FLG: variants seen among roughly 807,000 people sequenced by gnomAD.
FLG encodes epidermal filaggrin.
In FLG, 6 loss-of-function variants were observed where a neutral mutation model predicts 3.8. The ratio of observed to expected loss-of-function variants is 1.60; its 90% CI spans 0.87 to 3.15. The LOEUF is 3.15. Ranked by LOEUF, FLG falls within the 30% of genes most tolerant of loss-of-function variation. FLG has a pLI of 0.00. For synonymous variants in FLG, 2,551 were observed against 1,931.6 expected (o/e 1.32, Z -8.41); for missense variants, 7,595 against 5,050.9 (o/e 1.50, Z -15.27).
chr1:152,308,624 C>G lies in FLG; in HGVS notation c.6262G>C (p.Gly2088Arg). ...GQSGESSGRSGSFLYQVSTHE... is the reference protein window; with the variant it reads ...GQSGESSGRSRSFLYQVSTHE... ...GTGCTCACCTGGTAGAGGAAAGACCCTGAACGTCCAGAGCTTTCCCCTGAC... is the reference window on the plus strand; with the variant it reads ...GTGCTCACCTGGTAGAGGAAAGACCGTGAACGTCCAGAGCTTTCCCCTGAC... Residue 2088 changes from glycine to arginine, a missense_variant, in exon 3 of 3, where the codon GGG becomes CGG. Gly to Arg is a moderately radical substitution (Grantham distance 125). Coordinates refer to ENST00000368799, the MANE Select transcript of FLG (RefSeq NM_002016.2). 6.2e-7 allele frequency: 1 copy of G among 1,614,062 alleles called. No homozygotes were observed. The highest frequency in any genetic ancestry group is 8.5e-7 in the Non-Finnish European group (1 of 1,179,976).
At position 152,310,028 on chromosome 1, in the gene FLG, C is replaced by A. The variant is rs1389208990; in HGVS notation, c.4858G>T (p.Gly1620Ter). The change falls in exon 3 of 3, where the codon GGA (glycine) becomes TGA (stop). Residue 1620 changes from glycine (G) to a stop codon, truncating the protein, a stop_gained. Coordinates refer to ENST00000368799, the MANE Select transcript of FLG (RefSeq NM_002016.2). LOFTEE classifies it low-confidence loss of function (END_TRUNC). Reference protein sequence around the residue: ...RSESASRNHYGSAREQSRHGS... With the variant: ...RSESASRNHY Reference sequence around the variant, plus strand: ...TGTCTTGACTGCTCCCGAGCAGATCCATAATGGTTTCTGGAAGCCGACTCA... The same window carrying A: ...TGTCTTGACTGCTCCCGAGCAGATCAATAATGGTTTCTGGAAGCCGACTCA... 1 of 1,613,788 alleles carries A rather than the reference C, an allele frequency of 6.2e-7. No homozygotes were observed.
chr1:152,304,225 C>G lies in FLG; in HGVS notation c.10661G>C (p.Arg3554Thr). Residue 3554 changes from arginine (R) to threonine (T), a missense_variant, in exon 3 of 3, where the codon AGG (arginine) becomes ACG (threonine). Physicochemically the swap from Arg to Thr is moderately conservative, Grantham distance 71 (BLOSUM62 -1). Coordinates refer to ENST00000368799, the MANE Select transcript of FLG (RefSeq NM_002016.2). Reference sequence around the variant, plus strand: ...GTTTCTGGAAGCAGACCCAGACCACCTCTCAGAGTCTTCTGAGTGTCCCTG... The same window carrying G: ...GTTTCTGGAAGCAGACCCAGACCACGTCTCAGAGTCTTCTGAGTGTCCCTG... ...DSQGHSEDSE[R>T]WSGSASRNHR... The G allele has an allele frequency of 1.2e-6, 2 of 1,612,990 alleles. No individual in the cohort carries two copies. Among genetic ancestry groups the G allele is most frequent in the Non-Finnish European group, 8.5e-7 (1 of 1,179,760 alleles).
chr1:152,314,261 C>T lies in FLG; in HGVS notation c.625G>A (p.Asp209Asn). 2 of 1,613,318 alleles carry T rather than the reference C, an allele frequency of 1.2e-6. No individual in the cohort carries two copies. Among genetic ancestry groups the T allele is most frequent in the South Asian group, 1.1e-5 (1 of 91,066 alleles). The change falls in exon 3 of 3, where the codon GAC becomes AAC. Residue 209 changes from aspartate (D) to asparagine (N), a missense_variant. By Grantham distance (23) the Asp-to-Asn change is conservative. Transcript: ENST00000368799. ...RLSERLEEKEDNEEGVYDYEN... is the reference protein window; with the variant it reads ...RLSERLEEKENNEEGVYDYEN... ...TAATCATATACTCCTTCTTCATTGT[C>T]TTCTTTCTCTTCAAGTCTTTCACTT... is the stretch of plus-strand genomic sequence containing the variant.
Position 152,314,117 on chromosome 1 carries a change from A to G in FLG, c.769T>C (p.Tyr257His), listed in dbSNP as rs142607263. The G allele has an allele frequency of 1.9e-6, 3 of 1,613,954 alleles. No homozygotes were observed. Among genetic ancestry groups the G allele is most frequent in the South Asian group, 1.1e-5 (1 of 91,070 alleles). ...CCATCAGATGACCTTGATCTTTCAT[A>G]TATTTTGTTTTCTTCTAATAGACTA... Reference protein sequence around the residue: ...TDSLLEENKIYERSRSSDGKS... With the variant: ...TDSLLEENKIHERSRSSDGKS... Residue 257 changes from tyrosine to histidine, a missense_variant, in exon 3 of 3, where the codon TAT becomes CAT. Coordinates refer to ENST00000368799, the MANE Select transcript of FLG (RefSeq NM_002016.2).
chr1:152,309,185 C>T lies in FLG; in HGVS notation c.5701G>A (p.Gly1901Ser), dbSNP rs1220036038. 4 of 1,613,150 alleles carry T rather than the reference C, an allele frequency of 2.5e-6. No individual in the cohort carries two copies. In the African/African-American group the frequency reaches 4.0e-5, roughly 16 times the overall value. The change falls in exon 3 of 3, where the codon GGC (glycine) becomes AGC (serine). Residue 1901 changes from glycine (G) to serine (S), a missense_variant. By Grantham distance (56) the Gly-to-Ser change is moderately conservative. Coordinates refer to ENST00000368799, the MANE Select transcript of FLG (RefSeq NM_002016.2). ...CTGGGCCCTGATGATTGTCCCTGGC[C>T]CACCTGCGAGTGTCTAGAGCTGTCG... Reference protein sequence around the residue: ...RADSSRHSQVGQGQSSGPRTS... With the variant: ...RADSSRHSQVSQGQSSGPRTS...
In FLG at chr1:152,311,058, A is replaced by G. The variant is rs1652377973; in HGVS notation, c.3828T>C (p.Ser1276=). 6.2e-7 allele frequency: 1 copy of G among 1,613,210 alleles called. No individual in the cohort carries two copies. Among genetic ancestry groups the G allele is most frequent in the Non-Finnish European group, 8.5e-7 (1 of 1,179,772 alleles). The change falls in exon 3 of 3, where the codon AGT becomes AGC. Residue 1276 remains serine (S), a synonymous_variant. Coordinates refer to ENST00000368799, the MANE Select transcript of FLG (RefSeq NM_002016.2). ...QGSSVSQDSD[S]ERHSDDSERL... is the part of the protein sequence containing the mutation. ...TCTCGGAGTCGTCTGAGTGTCTCTC[A>G]CTGTCACTGTCCTGGCTAACACTGG...
chr1:152,309,682 G>A lies in FLG; in HGVS notation c.5204C>T (p.Ser1735Leu), dbSNP rs985155377. The change falls in exon 3 of 3, where the codon TCA (serine) becomes TTA (leucine). Residue 1735 changes from serine (S) to leucine (L), a missense_variant. Ser to Leu is a moderately radical substitution (Grantham distance 145). Coordinates refer to ENST00000368799, the MANE Select transcript of FLG (RefSeq NM_002016.2). ...ATGGGGCCCAGCCTGTCCGTGGGCT[G>A]ACACTGACTGTGTGTCTGACTCTTC... is the stretch of plus-strand genomic sequence containing the variant. Reference protein sequence around the residue: ...HSEESDTQSVSAHGQAGPHQQ... With the variant: ...HSEESDTQSVLAHGQAGPHQQ... 1.9e-6 allele frequency: 3 copies of A among 1,613,928 alleles called. No individual in the cohort carries two copies. The Admixed American group carries it at 5.0e-5, about 27-fold the overall frequency.
At chr1:152,315,040 T>C in intron 2 of FLG, 1 of 413,478 alleles carries the variant, frequency 2.4e-6, no homozygotes. Flanking sequence ...ATCCCCTTAG[T>C]AATGTTGATG....
Position 152,310,414 on chromosome 1 carries a change from C to T in FLG, c.4472G>A (p.Gly1491Glu), listed in dbSNP as rs909581264. The change falls in exon 3 of 3, where the codon GGA (glycine) becomes GAA (glutamate). Residue 1491 changes from glycine (G) to glutamate (E), a missense_variant. By Grantham distance (98) the Gly-to-Glu change is moderately conservative (BLOSUM62 -2). Coordinates refer to ENST00000368799, the MANE Select transcript of FLG (RefSeq NM_002016.2). ...ASQDGQDTIRGHPGSSRGGRQ... is the reference protein window; with the variant it reads ...ASQDGQDTIREHPGSSRGGRQ... ...TCCTCCTCTGCTTGACCCCGGGTGT[C>T]CACGAATGGTGTCCTGACCGTCTTG... 12 of 1,613,268 alleles carry T rather than the reference C, an allele frequency of 7.4e-6. No homozygotes were observed. Among genetic ancestry groups the T allele is most frequent in the African/African-American group, 2.7e-5 (2 of 74,676 alleles).
rs765615144 is a variant in FLG, at chr1:152,311,684, C to T, written c.3202G>A (p.Gly1068Ser). The T allele has an allele frequency of 6.2e-7, 1 of 1,614,114 alleles. No homozygotes were observed. The highest frequency in any genetic ancestry group is 8.5e-7 in the Non-Finnish European group (1 of 1,180,032). Residue 1068 changes from glycine (G) to serine (S), a missense_variant, in exon 3 of 3, where the codon GGT becomes AGT. Gly to Ser is a moderately conservative substitution (Grantham distance 56, BLOSUM62 0). Transcript: ENST00000368799. ...CCCTCACTATCACTGGCCTGACTAC[C>T]ACTGGACCCCCAGTGTCCACTGTCT... ...VRDSGHWGSS[G>S]SQASDSEGHS...
chr1:152,305,015 G>A lies in FLG; in HGVS notation c.9871C>T (p.His3291Tyr). The change falls in exon 3 of 3, where the codon CAT (histidine) becomes TAT (tyrosine). Residue 3291 changes from histidine (H) to tyrosine (Y), a missense_variant. By Grantham distance (83) the His-to-Tyr change is moderately conservative. Transcript: ENST00000368799. ...CCTGGACTTGATCTTGCCTGTTCAT[G>A]GGATGATGCAGCCTGTCCACCAGAG... Reference protein sequence around the residue: ...TSSGGQAASSHEQARSSPGER... With the variant: ...TSSGGQAASSYEQARSSPGER... The A allele has an allele frequency of 1.9e-6, 3 of 1,613,942 alleles. No homozygotes were observed. The highest frequency in any genetic ancestry group is 2.5e-6 in the Non-Finnish European group (3 of 1,179,986).
Position 152,310,021 on chromosome 1 carries a change from G to A in FLG, c.4865C>T (p.Ala1622Val). The A allele has an allele frequency of 6.2e-7, 1 of 1,613,756 alleles. No homozygotes were observed. The highest frequency in any genetic ancestry group is 8.5e-7 in the Non-Finnish European group (1 of 1,179,978). ...ESASRNHYGS[A>V]REQSRHGSRN... is the part of the protein sequence containing the mutation. Reference sequence around the variant, plus strand: ...GGAGCCATGTCTTGACTGCTCCCGAGCAGATCCATAATGGTTTCTGGAAGC... The same window carrying A: ...GGAGCCATGTCTTGACTGCTCCCGAACAGATCCATAATGGTTTCTGGAAGC... Residue 1622 changes from alanine (A) to valine (V), a missense_variant, in exon 3 of 3, where the codon GCT (alanine) becomes GTT (valine). Coordinates refer to ENST00000368799, the MANE Select transcript of FLG (RefSeq NM_002016.2).
chr1:152,311,444 G>T lies in FLG; in HGVS notation c.3442C>A (p.Gln1148Lys), dbSNP rs375070340. The change falls in exon 3 of 3, where the codon CAG (glutamine) becomes AAG (lysine). Residue 1148 changes from glutamine to lysine, a missense_variant. Gln to Lys is a moderately conservative substitution (Grantham distance 53). Transcript: ENST00000368799. ...GAGTGCCTGGAGCTGTCTCGTGCCT[G>T]CTCGTGGTGGGATCCTTGTCTTCGT... ...TGRRQGSHHE[Q>K]ARDSSRHSAS... The T allele has an allele frequency of 1.5e-5, 25 of 1,614,004 alleles. No individual in the cohort carries two copies. The African/African-American group carries it at 3.1e-4, about 20-fold the overall frequency.
At position 152,313,139 on chromosome 1, in the gene FLG, G is replaced by A. The variant is rs766496778; in HGVS notation, c.1747C>T (p.His583Tyr). The A allele has an allele frequency of 1.9e-6, 3 of 1,613,868 alleles. No individual in the cohort carries two copies. The East Asian group carries it at 6.7e-5, about 36-fold the overall frequency. Reference sequence around the variant, plus strand: ...GCTTCATGATGACGTGACCCTGAGTGCCTGGTGCCGTCTCCTGATTGTTCC... The same window carrying A: ...GCTTCATGATGACGTGACCCTGAGTACCTGGTGCCGTCTCCTGATTGTTCC... Reference protein sequence around the residue: ...NEEQSGDGTRHSGSRHHEASS... With the variant: ...NEEQSGDGTRYSGSRHHEASS... The change falls in exon 3 of 3, where the codon CAC becomes TAC. Residue 583 changes from histidine to tyrosine, a missense_variant. Coordinates refer to ENST00000368799, the MANE Select transcript of FLG (RefSeq NM_002016.2).
Position 152,311,450 on chromosome 1 carries a change from G to A in FLG, c.3436C>T (p.His1146Tyr). ...TSTGRRQGSH[H>Y]EQARDSSRHS... is the part of the protein sequence containing the mutation. Reference sequence around the variant, plus strand: ...CTGGAGCTGTCTCGTGCCTGCTCGTGGTGGGATCCTTGTCTTCGTCCAGTG... The same window carrying A: ...CTGGAGCTGTCTCGTGCCTGCTCGTAGTGGGATCCTTGTCTTCGTCCAGTG... Residue 1146 changes from histidine (H) to tyrosine (Y), a missense_variant, in exon 3 of 3, where the codon CAC becomes TAC. Physicochemically the swap from His to Tyr is moderately conservative, Grantham distance 83. Coordinates refer to ENST00000368799, the MANE Select transcript of FLG (RefSeq NM_002016.2). 6.2e-7 allele frequency: 1 copy of A among 1,613,912 alleles called. No homozygotes were observed. Among genetic ancestry groups the A allele is most frequent in the Non-Finnish European group, 8.5e-7 (1 of 1,179,950 alleles).
chr1:152,312,491 T>A lies in FLG; in HGVS notation c.2395A>T (p.Thr799Ser). 6.2e-7 allele frequency: 1 copy of A among 1,613,498 alleles called. No homozygotes were observed. Among genetic ancestry groups the A allele is most frequent in the African/African-American group, 1.3e-5 (1 of 74,772 alleles). ...TGGGAGGACTCAGACTGTTTATGAG[T>A]GCTCACCTGGTAGAGGAAAGACCCT... is the stretch of plus-strand genomic sequence containing the variant. ...RSGSFLYQVSTHKQSESSHGW... is the reference protein window; with the variant it reads ...RSGSFLYQVSSHKQSESSHGW... Residue 799 changes from threonine to serine, a missense_variant, in exon 3 of 3, where the codon ACT becomes TCT. By Grantham distance (58) the Thr-to-Ser change is moderately conservative. Coordinates refer to ENST00000368799, the MANE Select transcript of FLG (RefSeq NM_002016.2).
chr1:152,315,183 CTA>C lies in FLG; in HGVS notation c.138+134_138+135del. 5.8e-6 allele frequency: 5 copies of C among 857,268 alleles called. No homozygotes were observed. In the South Asian group the frequency reaches 8.3e-5, roughly 14 times the overall value. 53.1% of individuals were successfully genotyped at this position (857,268 alleles called of 1,614,324 possible). ...CAGGTATAGGGGAAGAAAATAAAAT[CTA>C]TCTCTTTTGAGACAAGATTAACTCT... is the stretch of plus-strand genomic sequence containing the variant. On this transcript the variant is annotated intron_variant, in intron 2 of 2. Coordinates refer to ENST00000368799, the MANE Select transcript of FLG (RefSeq NM_002016.2).
chr1:152,315,474 G>A lies in FLG; in HGVS notation c.-18C>T. ...GTAGACATCTTTTGGCAATAAATGT[G>A]AACCTAGAAAGAAGAAATGAAAATG... On this transcript the variant is annotated 5_prime_UTR_variant, in exon 2 of 3. Transcript: ENST00000368799. 6.2e-7 allele frequency: 1 copy of A among 1,605,382 alleles called. No individual in the cohort carries two copies. Among genetic ancestry groups the A allele is most frequent in the Non-Finnish European group, 8.5e-7 (1 of 1,175,920 alleles).
Position 152,305,062 on chromosome 1 carries a change from C to A in FLG, c.9824G>T (p.Gly3275Val). 2 of 1,614,000 alleles carry A rather than the reference C, an allele frequency of 1.2e-6. No homozygotes were observed. Among genetic ancestry groups the A allele is most frequent in the Admixed American group, 1.7e-5 (1 of 60,002 alleles). ...GHSADRSRQSGTRHAETSSGG... is the reference protein window; with the variant it reads ...GHSADRSRQSVTRHAETSSGG... ...AGAGGAAGTCTCTGCGTGACGAGTG[C>A]CTGATTGTCTGGAGCGGTCTGCAGA... Residue 3275 changes from glycine (G) to valine (V), a missense_variant, in exon 3 of 3, where the codon GGC becomes GTC. Physicochemically the swap from Gly to Val is moderately radical, Grantham distance 109. Transcript: ENST00000368799.
Sources: allele counts gnomAD v4.1 joint callset, GRCh38; gene constraint gnomAD v4.1.1; transcripts MANE v1.5; gene names NCBI Gene and HGNC (gene_info 2026-07-23, HGNC 2026-07-21).